Variants in CLIP1 observed in about 807,000 individuals in gnomAD.
The protein encoded by CLIP1 is CAP-Gly domain-containing linker protein 1.
Under a neutral mutation model 161.6 loss-of-function variants are expected in CLIP1, and 66 were observed. The ratio of observed to expected loss-of-function variants is 0.41; its 90% confidence interval spans 0.33 to 0.50. The LOEUF (loss-of-function observed/expected upper bound fraction) is 0.50. Among genes scored for constraint, CLIP1 ranks in the 20% least tolerant of loss-of-function variants. The probability of loss-of-function intolerance (pLI) is 0.27; values close to 1 mark genes in which losing one functional copy is unlikely to be tolerated. For missense variants in CLIP1, 1,376 were observed against 1,702.0 expected (o/e 0.81, Z 3.37); for synonymous variants, 598 against 626.2 (o/e 0.96, Z 0.67).
At chr12:122,291,664 G>T (rs887438521) in intron 20 of CLIP1, among the ~76,000 whole-genome samples, 3 of 152,140 alleles carry the variant, frequency 2.0e-5, no homozygotes, top group Non-Finnish European at 4.4e-5. Flanking sequence ...CTCAGCAGAT[G>T]ATATCAGGAG....
intron 20 of CLIP1, among the ~76,000 whole-genome samples, chr12:122,293,276 T>C (rs1394512906): frequency 6.6e-6 from 1 of 152,042 alleles, no homozygotes; most frequent in African/African-American, 2.4e-5. Flanking sequence ...GAAACCACAC[T>C]GAGATACACT....
chr12:122,330,013 A>T (rs1951875290), intron 15 of CLIP1, among the ~76,000 whole-genome samples: 2 of 152,178 alleles, frequency 1.3e-5, no homozygotes, highest in Admixed American at 6.6e-5. Flanking sequence ...GCTACTCAGG[A>T]GGCTGAGACA....
chr12:122,292,377 A>C (rs146630880), intron 20 of CLIP1, among the ~76,000 whole-genome samples: 1 of 152,152 alleles, frequency 6.6e-6, no homozygotes, highest in East Asian at 1.9e-4. Context: ...TTATATCTCT[A>C]TTTATTTTGA....
intron 20 of CLIP1, among the ~76,000 whole-genome samples, chr12:122,309,004 A>G (rs1017895303): frequency 1.3e-5 from 2 of 152,222 alleles, no homozygotes; most frequent in African/African-American, 4.8e-5. Flanking sequence ...CTACACAGCA[A>G]AAGTCTCTTA....
In CLIP1 at chr12:122,333,062, G is replaced by A. The variant is rs1437376373; in HGVS notation, c.2792C>T (p.Ala931Val). The A allele has an allele frequency of 3.1e-6, 5 of 1,613,154 alleles. No individual in the cohort carries two copies. The highest frequency in any genetic ancestry group is 4.2e-6 in the Non-Finnish European group (5 of 1,179,352). The stretch of plus-strand genomic sequence containing the variant: ...ATCTCCTGACATCTTCATTATTTCT[G>A]CAATGTCATTTTCCAGTTTTTCCTT... ...KAKEKLENDI[A>V]EIMKMSGDNS... The change falls in exon 15 of 26, where the codon GCA becomes GTA. Residue 931 changes from alanine (A) to valine (V), a missense_variant. This residue lies in a region of CLIP1 where 948 missense variants were observed against 1,134.8 expected (regional missense o/e 0.84). Transcript: ENST00000620786.
At chr12:122,316,728 T>TC in intron 19 of CLIP1, 21 bp downstream of exon 19, 1 of 1,335,450 alleles carries the variant, frequency 7.5e-7, no homozygotes, top group Non-Finnish European at 1.0e-6. Flanking sequence ...CATATTTTTT[T>TC]CTCAAAGGAT....
intron 9 of CLIP1, 87 bp downstream of exon 9, chr12:122,351,024 A>T: frequency 1.0e-6 from 1 of 956,240 alleles, no homozygotes; most frequent in Non-Finnish European, 1.6e-6. Context: ...TTATGCAGTT[A>T]GTGTTTGAGT....
intron 3 of CLIP1, among the ~76,000 whole-genome samples, chr12:122,370,104 A>G (rs1954365908): frequency 6.6e-6 from 1 of 151,912 alleles, no homozygotes; most frequent in South Asian, 2.1e-4. Context: ...CAGAGGGTGC[A>G]ATGAGCCGAA....
intron 3 of CLIP1, among the ~76,000 whole-genome samples, chr12:122,368,702 G>A (rs1954284456): frequency 2.0e-5 from 3 of 152,114 alleles, no homozygotes; most frequent in Middle Eastern, 3.4e-3. Flanking sequence ...TAGCTCTTTG[G>A]GAGGCCGAGG....
At chr12:122,360,446 GC>G (rs1953720192) in intron 5 of CLIP1, among the ~76,000 whole-genome samples, 1 of 151,552 alleles carries the variant, frequency 6.6e-6, no homozygotes, top group Non-Finnish European at 1.5e-5. Flanking sequence ...AATTAACCAG[GC>G]GTGGTGGTGT....
chr12:122,420,338 T>C (rs1956899156), intron 1 of CLIP1, among the ~76,000 whole-genome samples: 1 of 149,388 alleles, frequency 6.7e-6, no homozygotes, highest in African/African-American at 2.5e-5. Context: ...AGAGTGAAAT[T>C]CCATGTCAAA....
chr12:122,420,661 T>C (rs1193587181), intron 1 of CLIP1, among the ~76,000 whole-genome samples: 1 of 151,878 alleles, frequency 6.6e-6, no homozygotes, highest in Non-Finnish European at 1.5e-5. Context: ...TGGGGCCAGG[T>C]GCGGTAGTTC....
rs1355205102 is a variant in CLIP1, at chr12:122,277,964, G to C, written c.3966+190C>G. 1.9e-5 allele frequency: 12 copies of C among 617,158 alleles called. No individual in the cohort carries two copies. In the African/African-American group the frequency reaches 2.0e-4, roughly 11 times the overall value. The allele number at this position is 617,158 out of a possible 1,614,324, so 38.2% of individuals were successfully genotyped here. A position where few individuals can be genotyped will look rare whatever the true frequency, so the allele number is the denominator to read the frequency against. On this transcript the variant is annotated intron_variant, in intron 24 of 25. Transcript: ENST00000620786. ...AGGGTTGGGAACTGAGCAGAAGAGA[G>C]AGAAGGTTTGGAGGAAGACATTTAA...
chr12:122,362,402 A>G (rs7952868), intron 4 of CLIP1, among the ~76,000 whole-genome samples: 119,861 of 150,600 alleles, frequency 0.8, 48,102 homozygotes, highest in East Asian at 0.96. Context: ...TAGAACTTCC[A>G]GAGGCCAAGG....
At chr12:122,354,866 A>G (rs1953251077) in intron 6 of CLIP1, 1 of 587,754 alleles carries the variant, frequency 1.7e-6, no homozygotes, top group African/African-American at 1.9e-5. Context: ...CTGGCCTAAC[A>G]CAGACAGGCC....
intron 3 of CLIP1, among the ~76,000 whole-genome samples, chr12:122,367,443 A>G (rs1411896057): frequency 6.6e-6 from 1 of 152,240 alleles, no homozygotes; most frequent in Admixed American, 6.5e-5. Flanking sequence ...ATGGAGACAG[A>G]AAGTCAGGTG....
At chr12:122,403,499 G>GTTTTTTTTTTTTTTTTT (rs11302150) in intron 1 of CLIP1, among the ~76,000 whole-genome samples, 4 of 72,300 alleles carry the variant, frequency 5.5e-5, no homozygotes, top group East Asian at 3.5e-4. Context: ...TTCTTGTTTT[G>GTTTTTTTTTTTTTTTTT]TTTTTTTTTT....
rs115820623 is a variant in CLIP1, at chr12:122,377,740, C to A, written c.306G>T (p.Ser102=). ...ACTGGAAATACCGAACTCCTGCCACCGAACCATCGTTCTTGCCTATGGGTT... is the reference window on the plus strand; with the variant it reads ...ACTGGAAATACCGAACTCCTGCCACAGAACCATCGTTCTTGCCTATGGGTT... ...LDEPIGKNDG[S]VAGVRYFQCE... is the part of the protein sequence containing the mutation. Residue 102 remains serine, a synonymous_variant, in exon 3 of 26, where the codon TCG becomes TCT. Transcript: ENST00000620786. 1.2e-6 allele frequency: 2 copies of A among 1,613,704 alleles called. No homozygotes were observed. Among genetic ancestry groups the A allele is most frequent in the Non-Finnish European group, 8.5e-7 (1 of 1,179,994 alleles).
chr12:122,327,465 C>T (rs1951752497), intron 17 of CLIP1, among the ~76,000 whole-genome samples: 1 of 152,088 alleles, frequency 6.6e-6, no homozygotes, highest in Admixed American at 6.6e-5. Context: ...CTGTGGAGTT[C>T]TCAATTCTAA....
Sources: gnomAD v4.1 joint callset for allele counts (sites outside exome capture counted in the v4.1 genomes callset) on GRCh38, gnomAD v4.1.1 for gene constraint, gnomAD v4.1.1 regional missense constraint, MANE v1.5 for transcripts, NCBI Gene and HGNC (gene_info 2026-07-23, HGNC 2026-07-21) for gene names.